DACH1: variants seen among roughly 807,000 people sequenced by gnomAD.
DACH1 encodes the protein dachshund homolog 1.
A neutral mutation model predicts 54.2 loss-of-function variants in DACH1; 12 were observed. The observed-to-expected ratio is 0.22, with a 90% confidence interval of 0.14 to 0.36. The LOEUF (loss-of-function observed/expected upper bound fraction) is 0.36. DACH1 is among the 10% of genes least tolerant of loss of function. DACH1 has a pLI of 1.00. For synonymous variants in DACH1, 386 were observed against 366.2 expected, an observed-to-expected ratio of 1.05 and a Z score of -0.62; for missense variants, 805 against 929.8, an observed-to-expected ratio of 0.87 and a Z score of 1.75.
rs958976890 is a variant in DACH1, at chr13:71,511,725, G to T, written c.1571-22577C>A. On this transcript the variant is annotated intron_variant, in intron 6 of 10. Transcript: ENST00000613252. ...AAACCTTACTAGCCTCTTAGGTATG[G>T]AACTAAAATTATAATGATTACCTTT... Among the ~76,000 whole-genome samples, 5 of 151,898 alleles carry T rather than the reference G, an allele frequency of 3.3e-5. No homozygotes were observed. In the East Asian group the frequency reaches 9.7e-4, roughly 29 times the overall value.
At chr13:71,739,369 T>C (rs1884288246) in intron 1 of DACH1, among the ~76,000 whole-genome samples, 1 of 152,146 alleles carries the variant, frequency 6.6e-6, no homozygotes, top group African/African-American at 2.4e-5. Flanking sequence ...CACTGTTCAA[T>C]AGAAATATAA....
intron 6 of DACH1, among the ~76,000 whole-genome samples, chr13:71,495,035 C>A (rs1879287455): frequency 6.6e-6 from 1 of 151,878 alleles, no homozygotes; most frequent in African/African-American, 2.4e-5. Context: ...CATAACTAAT[C>A]CCTTTGGGTT....
intron 6 of DACH1, among the ~76,000 whole-genome samples, chr13:71,524,952 A>C (rs1051682948): frequency 6.6e-6 from 1 of 152,148 alleles, no homozygotes; most frequent in Non-Finnish European, 1.5e-5. Flanking sequence ...TAGCGGCAGG[A>C]CCTTAAAAAG....
intron 6 of DACH1, among the ~76,000 whole-genome samples, chr13:71,521,557 C>CCT (rs1197104412): frequency 7.2e-5 from 11 of 152,018 alleles, no homozygotes; most frequent in Non-Finnish European, 1.0e-4. Context: ...TTCAGTCTTT[C>CCT]AAAGGCAAGG....
chr13:71,556,904 TA>T (rs1884286676), intron 6 of DACH1, 119 bp downstream of exon 6: 4 of 1,135,024 alleles, frequency 3.5e-6, no homozygotes, highest in Non-Finnish European at 4.8e-6. Flanking sequence ...TTGTGGATTT[TA>T]AAAACATTTA....
intron 1 of DACH1, among the ~76,000 whole-genome samples, chr13:71,689,542 TA>T (rs1269975273): frequency 6.6e-6 from 1 of 152,168 alleles, no homozygotes; most frequent in Admixed American, 6.5e-5. Context: ...TAAAATTAGC[TA>T]CTCTGGTGAG....
chr13:71,550,500 C>A (rs748684820), intron 6 of DACH1, among the ~76,000 whole-genome samples: 1 of 152,088 alleles, frequency 6.6e-6, no homozygotes, highest in Non-Finnish European at 1.5e-5. Context: ...ACGTGATGGT[C>A]ATCAAGGCGC....
At chr13:71,529,071 G>A (rs1357130949) in intron 6 of DACH1, among the ~76,000 whole-genome samples, 1 of 151,924 alleles carries the variant, frequency 6.6e-6, no homozygotes, top group Non-Finnish European at 1.5e-5. Flanking sequence ...CTGGGAGTAT[G>A]GTAACACATG....
At chr13:71,765,312 G>A (rs1332110790) in intron 1 of DACH1, among the ~76,000 whole-genome samples, 1 of 152,020 alleles carries the variant, frequency 6.6e-6, no homozygotes, top group Non-Finnish European at 1.5e-5. Context: ...AAATTCCATG[G>A]GTTCTACCCC....
At chr13:71,735,223 A>T (rs111205656) in intron 1 of DACH1, among the ~76,000 whole-genome samples, 1 of 80,008 alleles carries the variant, frequency 1.2e-5, no homozygotes. Flanking sequence ...TGGGATATAC[A>T]TATGTATATG....
chr13:71,863,470 C>T (rs937638673), intron 1 of DACH1, among the ~76,000 whole-genome samples: 1 of 152,124 alleles, frequency 6.6e-6, no homozygotes, highest in African/African-American at 2.4e-5. Context: ...TAGAGCAACA[C>T]ATGTAATTGC....
intron 3 of DACH1, among the ~76,000 whole-genome samples, chr13:71,597,658 T>C (rs1012816942): frequency 6.6e-6 from 1 of 152,126 alleles, no homozygotes; most frequent in African/African-American, 2.4e-5. Context: ...ATTGATTTGG[T>C]CTCTCAGTGC....
rs149329740 is a variant in DACH1, at chr13:71,738,498, G to A, written c.849-56588C>T. Among the ~76,000 whole-genome samples, 555 of 152,080 alleles carry A rather than the reference G, an allele frequency of 3.6e-3. 2 individuals are homozygous for A. The highest frequency in any genetic ancestry group is 0.013 in the African/African-American group (521 of 41,506). On this transcript the variant is annotated intron_variant, in intron 1 of 10. Coordinates refer to ENST00000613252, the MANE Select transcript of DACH1 (RefSeq NM_080759.6). ...TATAATCCCAGCACCTTGGGAGGCC[G>A]AGGTGGGAGGATCATGAGGTCAGGA...
intron 3 of DACH1, among the ~76,000 whole-genome samples, chr13:71,592,494 C>CAAAAAAAAAAAAAAAAAAAAAAAA (rs575364116): frequency 1.8e-4 from 6 of 32,776 alleles, no homozygotes; most frequent in Non-Finnish European, 2.4e-4. Context: ...GACTCTATCT[C>CAAAAAAAAAAAAAAAAAAAAAAAA]AAAAAAAAAA....
At chr13:71,485,493 A>AT (rs1269080621) in intron 7 of DACH1, among the ~76,000 whole-genome samples, 1 of 147,292 alleles carries the variant, frequency 6.8e-6, no homozygotes, top group Non-Finnish European at 1.5e-5. Flanking sequence ...TTTAAATATA[A>AT]TTTTTTATAT....
intron 1 of DACH1, among the ~76,000 whole-genome samples, chr13:71,746,063 C>T (rs1202222749): frequency 6.6e-6 from 1 of 151,920 alleles, no homozygotes; most frequent in Admixed American, 6.6e-5. Flanking sequence ...ACTAAAAATA[C>T]AAAAATTAGC....
chr13:71,488,150 A>T (rs147610998), intron 7 of DACH1, among the ~76,000 whole-genome samples: 3 of 152,218 alleles, frequency 2.0e-5, no homozygotes, highest in Non-Finnish European at 4.4e-5. Flanking sequence ...ATATGTGTAC[A>T]GAAAAATATT....
At chr13:71,748,876 T>TTTCTTTCTTTCTCTCTCTC (rs1884748745) in intron 1 of DACH1, among the ~76,000 whole-genome samples, 1 of 15,344 alleles carries the variant, frequency 6.5e-5, no homozygotes, top group Non-Finnish European at 4.6e-4. Context: ...CTTTCTTTCT[T>TTTCTTTCTTTCTCTCTCTC]TCTTTCTTTC....
rs140163407 is a variant in DACH1, at chr13:71,706,303, C to T, written c.849-24393G>A. Among the ~76,000 whole-genome samples the T allele has an allele frequency of 2.7e-3, 415 of 151,642 alleles. 3 individuals are homozygous for T. The highest frequency in any genetic ancestry group is 9.6e-3 in the African/African-American group (396 of 41,436). ...TTAAAACATATTATTAGCCTTTCAT[C>T]CATTTAAGAACTTAGTATTAATTGA... On this transcript the variant is annotated intron_variant, in intron 1 of 10. Transcript: ENST00000613252.
Sources: allele counts gnomAD v4.1 joint callset (sites outside exome capture counted in the v4.1 genomes callset), GRCh38; gene constraint gnomAD v4.1.1; transcripts MANE v1.5; gene names NCBI Gene and HGNC (gene_info 2026-07-23, HGNC 2026-07-21).